Variants in EFR3A observed in about 807,000 individuals in gnomAD.
The protein encoded by EFR3A is protein EFR3 homolog A.
In EFR3A, 76 loss-of-function variants were observed where a neutral mutation model predicts 104.4. That is an observed-to-expected ratio of 0.73 (90% CI 0.60 to 0.88). The LOEUF is 0.88. EFR3A is among the 40% of genes least tolerant of loss of function. The pLI is 0.00. For missense variants in EFR3A, 985 were observed against 1,012.5 expected (o/e 0.97, Z 0.37); for synonymous variants, 330 against 330.0 (o/e 1.00, Z 0.00).
rs758222589 is a variant in EFR3A, at chr8:131,978,910, T to C, written c.1390T>C (p.Leu464=). 8.1e-6 allele frequency: 13 copies of C among 1,612,910 alleles called. No homozygotes were observed. Among genetic ancestry groups the C allele is most frequent in the Middle Eastern group, 1.6e-4 (1 of 6,082 alleles). ...ACTGCCAGGGTCTTTCCTGGATCCT[T>C]TGTTATCACCATCTCTCATGGAGGA... is the stretch of plus-strand genomic sequence containing the variant. ...TALPGSFLDP[L]LSPSLMEDYE... is the part of the protein sequence containing the mutation. The change falls in exon 13 of 23, where the codon TTG becomes CTG. Residue 464 remains leucine (L), a synonymous_variant. Coordinates refer to ENST00000254624, the MANE Select transcript of EFR3A (RefSeq NM_015137.6).
intron 4 of EFR3A, among the ~76,000 whole-genome samples, chr8:131,947,782 T>C (rs2130591168): frequency 6.6e-6 from 1 of 152,246 alleles, no homozygotes; most frequent in South Asian, 2.1e-4. Flanking sequence ...ACTATGCCAT[T>C]ACTATCTGTT....
chr8:132,002,294 G>A (rs1563708303), intron 20 of EFR3A, among the ~76,000 whole-genome samples: 6 of 152,208 alleles, frequency 3.9e-5, no homozygotes, highest in Admixed American at 2.6e-4. Context: ...GGACTGTGAA[G>A]TAGTTCGACT....
chr8:132,011,568 C>A lies in EFR3A; in HGVS notation c.*673C>A. ...TTGTGTTTCCTGCCAAGAGTTTGAC[C>A]ATTCTGCTTGAGAAGTGTAGAGCTT... On this transcript the variant is annotated 3_prime_UTR_variant, in exon 23 of 23. Coordinates refer to ENST00000254624, the MANE Select transcript of EFR3A (RefSeq NM_015137.6). 1 of 401,696 alleles carries A rather than the reference C, an allele frequency of 2.5e-6. No homozygotes were observed. Among genetic ancestry groups the A allele is most frequent in the Non-Finnish European group, 3.4e-6 (1 of 296,290 alleles). The allele number at this position is 401,696 out of a possible 1,614,324, so 24.9% of individuals were successfully genotyped here. A position where few individuals can be genotyped will look rare whatever the true frequency, so the allele number is the denominator to read the frequency against.
At chr8:131,961,223 C>G (rs1251104589) in intron 8 of EFR3A, among the ~76,000 whole-genome samples, 2 of 152,136 alleles carry the variant, frequency 1.3e-5, no homozygotes, top group Non-Finnish European at 2.9e-5. Flanking sequence ...ATGACTTTGA[C>G]AAGTTGAGAG....
chr8:131,971,669 C>T (rs1820061265), intron 10 of EFR3A, among the ~76,000 whole-genome samples: 1 of 142,198 alleles, frequency 7.0e-6, no homozygotes, highest in Non-Finnish European at 1.5e-5. Context: ...GTCTGGGCGA[C>T]AGCAAGACTC....
chr8:131,940,364 C>T, intron 1 of EFR3A, 135 bp from the exon 2 acceptor site: 1 of 818,390 alleles, frequency 1.2e-6, no homozygotes, highest in Admixed American at 2.8e-5. Flanking sequence ...TCACTGATTA[C>T]ATTTGTATGT....
chr8:132,006,223 A>G (rs1563712487), intron 22 of EFR3A, among the ~76,000 whole-genome samples: 3 of 152,262 alleles, frequency 2.0e-5, no homozygotes, highest in Non-Finnish European at 4.4e-5. Flanking sequence ...AGTATATCAG[A>G]AGTCAATGAA....
intron 7 of EFR3A, among the ~76,000 whole-genome samples, chr8:131,956,321 C>T (rs1043964081): frequency 2.0e-5 from 3 of 152,182 alleles, no homozygotes; most frequent in African/African-American, 7.2e-5. Context: ...CCTTAGATCG[C>T]ATTCACATCT....
intron 18 of EFR3A, among the ~76,000 whole-genome samples, chr8:131,988,123 A>C (rs1291015413): frequency 6.6e-6 from 1 of 152,100 alleles, no homozygotes; most frequent in Non-Finnish European, 1.5e-5. Flanking sequence ...TATATAAATA[A>C]AACTACAAAC....
intron 18 of EFR3A, among the ~76,000 whole-genome samples, chr8:131,992,932 G>A (rs1263076203): frequency 6.6e-6 from 1 of 152,166 alleles, no homozygotes; most frequent in Non-Finnish European, 1.5e-5. Flanking sequence ...TAACATGGTG[G>A]TGACATACAG....
At chr8:131,904,413 G>T in intron 1 of EFR3A, 91 bp downstream of exon 1, 1 of 1,148,926 alleles carries the variant, frequency 8.7e-7, no homozygotes, top group Non-Finnish European at 1.1e-6. Flanking sequence ...GGCTGGGGAG[G>T]CTGGGCCGCG....
intron 7 of EFR3A, among the ~76,000 whole-genome samples, chr8:131,957,340 G>A (rs1819054409): frequency 6.7e-6 from 1 of 149,270 alleles, no homozygotes; most frequent in African/African-American, 2.5e-5. Context: ...TGAAGATTTA[G>A]GGCCAGGGTC....
At chr8:131,969,193 A>G (rs1159422613) in intron 9 of EFR3A, among the ~76,000 whole-genome samples, 1 of 152,210 alleles carries the variant, frequency 6.6e-6, no homozygotes, top group Non-Finnish European at 1.5e-5. Context: ...ACTTACATGT[A>G]ACTACAAAAA....
chr8:132,005,355 C>T (rs893905732), intron 22 of EFR3A, among the ~76,000 whole-genome samples: 1 of 151,864 alleles, frequency 6.6e-6, no homozygotes, highest in African/African-American at 2.4e-5. Flanking sequence ...ATAAAAGAAA[C>T]AGAACAACAC....
chr8:131,921,169 T>C (rs1345571547), intron 1 of EFR3A, among the ~76,000 whole-genome samples: 1 of 152,194 alleles, frequency 6.6e-6, no homozygotes, highest in Non-Finnish European at 1.5e-5. Context: ...CAACAGATAT[T>C]TATTGTCTCA....
rs79942610 is a variant in EFR3A, at chr8:132,011,932, T to G, written c.*1037T>G. On this transcript the variant is annotated 3_prime_UTR_variant, in exon 23 of 23. Coordinates refer to ENST00000254624, the MANE Select transcript of EFR3A (RefSeq NM_015137.6). ...TTATATTTGAAAAGCTGCCTGTGTT[T>G]TAACAGTCAAGTGTGCTAAAGTTTG... is the stretch of plus-strand genomic sequence containing the variant. The G allele has an allele frequency of 6.6e-6, 1 of 152,318 alleles. No homozygotes were observed. The highest frequency in any genetic ancestry group is 2.4e-5 in the African/African-American group (1 of 41,576). The allele number at this position is 152,318 out of a possible 1,614,324, so 9.4% of individuals were successfully genotyped here.
chr8:131,949,909 ATG>A, intron 4 of EFR3A, 58 bp from the exon 5 acceptor site: 2 of 1,400,616 alleles, frequency 1.4e-6, no homozygotes, highest in Non-Finnish European at 1.9e-6. Context: ...ATGAAATTAA[ATG>A]TATTTGGTTC....
intron 8 of EFR3A, among the ~76,000 whole-genome samples, chr8:131,963,699 G>A (rs1819532678): frequency 6.6e-6 from 1 of 152,104 alleles, no homozygotes; most frequent in African/African-American, 2.4e-5. Context: ...GAAAAAGAGG[G>A]AATCCTCCCT....
intron 7 of EFR3A, among the ~76,000 whole-genome samples, chr8:131,958,352 C>G (rs1250939080): frequency 2.0e-5 from 3 of 152,094 alleles, no homozygotes; most frequent in Non-Finnish European, 4.4e-5. Context: ...TTCAGGTTAA[C>G]TGTGCATTTG....
Sources: allele counts gnomAD v4.1 joint callset (sites outside exome capture counted in the v4.1 genomes callset), GRCh38; gene constraint gnomAD v4.1.1; transcripts MANE v1.5; gene names NCBI Gene and HGNC (gene_info 2026-07-23, HGNC 2026-07-21).